Variants in NBEA observed in about 807,000 individuals in gnomAD.
The protein encoded by NBEA is neurobeachin.
NBEA carries 44 observed loss-of-function variants against 343.4 expected under a neutral mutation model. The ratio of observed to expected loss-of-function variants is 0.13; its 90% confidence interval spans 0.10 to 0.16. NBEA has a LOEUF of 0.16. Ranked by LOEUF, NBEA falls within the 10% of genes least tolerant of loss-of-function variation. The pLI is 1.00. For missense variants in NBEA, 2,555 were observed against 3,631.3 expected (o/e 0.70, Z 7.62); for synonymous variants, 1,175 against 1,238.7 (o/e 0.95, Z 1.08).
intron 41 of NBEA, among the ~76,000 whole-genome samples, chr13:35,520,147 A>G (rs895984159): frequency 1.3e-5 from 2 of 152,196 alleles, no homozygotes; most frequent in Non-Finnish European, 2.9e-5. Flanking sequence ...CGCAGTTCAC[A>G]ACAGGGTTTG....
chr13:35,427,645 T>C (rs1033831891), intron 38 of NBEA, among the ~76,000 whole-genome samples: 2 of 152,182 alleles, frequency 1.3e-5, no homozygotes, highest in African/African-American at 4.8e-5. Context: ...GGAGAACCAC[T>C]ACTCTCTTCA....
intron 55 of NBEA, among the ~76,000 whole-genome samples, chr13:35,660,464 T>A (rs192506586): frequency 6.6e-6 from 1 of 152,362 alleles, no homozygotes; most frequent in East Asian, 1.9e-4. Context: ...TGCTTTTCTA[T>A]TCCACTTTTT....
At chr13:35,581,900 GAAAAGAAAAA>G (rs2081062998) in intron 45 of NBEA, among the ~76,000 whole-genome samples, 3 of 92,832 alleles carry the variant, frequency 3.2e-5, no homozygotes, top group Admixed American at 1.1e-4. Flanking sequence ...AAAAAAAAAA[GAAAAGAAAAA>G]AAAAGAAAAA....
intron 41 of NBEA, among the ~76,000 whole-genome samples, chr13:35,488,434 G>GTA (rs2076382193): frequency 6.6e-6 from 1 of 151,828 alleles, no homozygotes; most frequent in African/African-American, 2.4e-5. Context: ...TTGGGATAAA[G>GTA]TATATACTTT....
chr13:35,182,464 T>G lies in NBEA; in HGVS notation c.4767T>G (p.Thr1589=). ...ACATATTAGAACCCCAGAGAGAGAC[T>G]ACAAGAACTGGAAGCCAACCAGGTA... The part of the protein sequence containing the change: ...YRDILEPQRE[T]TRTGSQPGRN... The change falls in exon 29 of 59, where the codon ACT becomes ACG. Residue 1589 remains threonine, a synonymous_variant. Coordinates refer to ENST00000379939, the MANE Select transcript of NBEA (RefSeq NM_001385012.1). The G allele has an allele frequency of 1.2e-6, 2 of 1,610,656 alleles. No homozygotes were observed. Among genetic ancestry groups the G allele is most frequent in the Non-Finnish European group, 1.7e-6 (2 of 1,177,792 alleles).
At chr13:35,277,945 A>G (rs1389941723) in intron 34 of NBEA, among the ~76,000 whole-genome samples, 5 of 151,100 alleles carry the variant, frequency 3.3e-5, no homozygotes, top group East Asian at 3.9e-4. Context: ...AAACTTAGCC[A>G]GTGTGGTGGC....
At chr13:35,501,933 A>C in intron 41 of NBEA, among the ~76,000 whole-genome samples, 1 of 152,132 alleles carries the variant, frequency 6.6e-6, no homozygotes, top group Non-Finnish European at 1.5e-5. Context: ...GTGTGCATAC[A>C]TGTGTATATA....
At chr13:35,175,112 A>G (rs553896925) in intron 27 of NBEA, among the ~76,000 whole-genome samples, 3 of 152,220 alleles carry the variant, frequency 2.0e-5, no homozygotes, top group South Asian at 2.1e-4. Context: ...TTATAGCACT[A>G]TGAGTACTTT....
intron 41 of NBEA, among the ~76,000 whole-genome samples, chr13:35,534,778 C>G (rs949801188): frequency 6.6e-6 from 1 of 152,192 alleles, no homozygotes. Flanking sequence ...CACAATGTGT[C>G]CCATCACCTA....
intron 36 of NBEA, among the ~76,000 whole-genome samples, chr13:35,347,736 C>T (rs1179034851): frequency 1.3e-5 from 2 of 151,856 alleles, no homozygotes; most frequent in East Asian, 3.9e-4. Flanking sequence ...TGGCTTAAAC[C>T]AGTAATCAGT....
Position 35,628,791 on chromosome 13 carries a change from C to G in NBEA, c.7617+543C>G, listed in dbSNP as rs58704642. Among the ~76,000 whole-genome samples the G allele has an allele frequency of 9.9e-3, 1,506 of 152,144 alleles. 21 individuals are homozygous for G. The highest frequency in any genetic ancestry group is 0.034 in the African/African-American group (1,426 of 41,516). Reference sequence around the variant, plus strand: ...AAATTAGCAGGGTGTGGTGGCGCAGCTGTGTGGTCCCAGCTACTGTGGGGG... The same window carrying G: ...AAATTAGCAGGGTGTGGTGGCGCAGGTGTGTGGTCCCAGCTACTGTGGGGG... On this transcript the variant is annotated intron_variant, in intron 49 of 58. Transcript: ENST00000379939.
intron 41 of NBEA, among the ~76,000 whole-genome samples, chr13:35,507,734 G>A (rs1188481208): frequency 6.6e-6 from 1 of 152,078 alleles, no homozygotes; most frequent in Non-Finnish European, 1.5e-5. Flanking sequence ...CATCTCCATG[G>A]CTACCATGTA....
At chr13:35,557,537 TC>T (rs2079633174) in intron 44 of NBEA, among the ~76,000 whole-genome samples, 1 of 152,172 alleles carries the variant, frequency 6.6e-6, no homozygotes, top group South Asian at 2.1e-4. Flanking sequence ...ATTGTTTGAA[TC>T]GTTGAAGTCT....
At chr13:35,255,559 T>C (rs992276794) in intron 34 of NBEA, among the ~76,000 whole-genome samples, 1 of 152,244 alleles carries the variant, frequency 6.6e-6, no homozygotes, top group Admixed American at 6.5e-5. Context: ...GCTAGCTTCA[T>C]GCAGGCCTGC....
At chr13:35,652,306 G>A (rs1385405319) in intron 53 of NBEA, among the ~76,000 whole-genome samples, 4 of 147,436 alleles carry the variant, frequency 2.7e-5, no homozygotes, top group African/African-American at 1.0e-4. Context: ...TAACAAACCT[G>A]CACATTGTGC....
intron 52 of NBEA, among the ~76,000 whole-genome samples, chr13:35,651,032 A>G (rs941321906): frequency 7.9e-5 from 12 of 152,248 alleles, no homozygotes; most frequent in Non-Finnish European, 1.8e-4. Context: ...AGAGATAGGC[A>G]GCACATATCT....
chr13:35,158,523 CTG>C (rs1045949754), intron 21 of NBEA, among the ~76,000 whole-genome samples: 22 of 152,002 alleles, frequency 1.4e-4, no homozygotes, highest in Admixed American at 5.9e-4. Context: ...AAGGATAAAA[CTG>C]TGATATTTTA....
At chr13:35,404,669 G>A (rs1776690449) in intron 38 of NBEA, among the ~76,000 whole-genome samples, 1 of 148,630 alleles carries the variant, frequency 6.7e-6, no homozygotes, top group Non-Finnish European at 1.5e-5. Flanking sequence ...CGAGTTAATG[G>A]GTGCAGCACA....
chr13:35,404,160 G>C (rs1186480413), intron 38 of NBEA, among the ~76,000 whole-genome samples: 1 of 152,134 alleles, frequency 6.6e-6, no homozygotes, highest in Non-Finnish European at 1.5e-5. Context: ...TGGTGGGACT[G>C]TAAACTAGTT....
Sources: allele counts gnomAD v4.1 joint callset (sites outside exome capture counted in the v4.1 genomes callset), GRCh38; gene constraint gnomAD v4.1.1; transcripts MANE v1.5; gene names NCBI Gene and HGNC (gene_info 2026-07-23, HGNC 2026-07-21).